The following SLC24A3 variants were observed in gnomAD, a reference collection of about 807,000 sequenced individuals.
SLC24A3 encodes the protein sodium/potassium/calcium exchanger 3.
SLC24A3 carries 28 observed loss-of-function variants against 75.8 expected under a neutral mutation model. The observed-to-expected ratio is 0.37, with a 90% CI of 0.27 to 0.51. The LOEUF is 0.51. Ranked by LOEUF, SLC24A3 falls within the 20% of genes least tolerant of loss-of-function variation. The pLI is 0.94. For synonymous variants in SLC24A3, 372 were observed against 334.1 expected, an observed-to-expected ratio of 1.11 and a Z score of -1.24; for missense variants, 663 against 847.8, an observed-to-expected ratio of 0.78 and a Z score of 2.71.
chr20:19,404,821 T>G (rs1986613849), intron 2 of SLC24A3, among the ~76,000 whole-genome samples: 1 of 152,192 alleles, frequency 6.6e-6, no homozygotes, highest in African/African-American at 2.4e-5. Flanking sequence ...AGGCTGGCTC[T>G]TTCCCTAATT....
intron 13 of SLC24A3, among the ~76,000 whole-genome samples, chr20:19,695,853 G>A (rs1252000210): frequency 1.3e-5 from 2 of 152,104 alleles, no homozygotes; most frequent in Non-Finnish European, 2.9e-5. Flanking sequence ...GTGAGAACAT[G>A]TGGAGTTTGA....
chr20:19,478,684 A>C (rs4814858), intron 2 of SLC24A3, among the ~76,000 whole-genome samples: 41,121 of 151,946 alleles, frequency 0.27, 5,854 homozygotes, highest in East Asian at 0.51. Context: ...CACACTCGAG[A>C]GCTTTTATGC....
At chr20:19,422,810 A>C (rs751009651) in intron 2 of SLC24A3, among the ~76,000 whole-genome samples, 1 of 152,214 alleles carries the variant, frequency 6.6e-6, no homozygotes, top group Admixed American at 6.5e-5. Context: ...TCACCTCTTT[A>C]CAAAACCCCA....
At chr20:19,412,613 AGAG>A (rs143215211) in intron 2 of SLC24A3, among the ~76,000 whole-genome samples, 2,504 of 148,718 alleles carry the variant, frequency 0.017, 64 homozygotes, top group African/African-American at 0.056. Context: ...AGGAGGAGCA[AGAG>A]GAGGAGGAGG....
At chr20:19,277,775 C>G (rs1983529765) in intron 1 of SLC24A3, among the ~76,000 whole-genome samples, 2 of 152,308 alleles carry the variant, frequency 1.3e-5, no homozygotes, top group South Asian at 4.1e-4. Flanking sequence ...ATTTTTACAT[C>G]TCTTAATTGG....
At chr20:19,233,551 G>A (rs1239479332) in intron 1 of SLC24A3, among the ~76,000 whole-genome samples, 3 of 152,206 alleles carry the variant, frequency 2.0e-5, no homozygotes, top group Non-Finnish European at 4.4e-5. Flanking sequence ...ATACTTGCCT[G>A]TGCATGCACT....
At chr20:19,315,628 A>T (rs1984568601) in intron 2 of SLC24A3, among the ~76,000 whole-genome samples, 1 of 152,168 alleles carries the variant, frequency 6.6e-6, no homozygotes, top group Non-Finnish European at 1.5e-5. Flanking sequence ...GGAAGCGTGC[A>T]CTGCTGTGCT....
At chr20:19,406,901 C>A (rs1433103335) in intron 2 of SLC24A3, among the ~76,000 whole-genome samples, 1 of 152,144 alleles carries the variant, frequency 6.6e-6, no homozygotes, top group African/African-American at 2.4e-5. Flanking sequence ...CAAGTGTAAT[C>A]CCTGGTGATG....
At chr20:19,675,901 G>A (rs1017616303) in intron 9 of SLC24A3, among the ~76,000 whole-genome samples, 1 of 152,150 alleles carries the variant, frequency 6.6e-6, no homozygotes, top group African/African-American at 2.4e-5. Context: ...CTGTCTGTGT[G>A]TGTACTCACA....
intron 6 of SLC24A3, among the ~76,000 whole-genome samples, chr20:19,589,790 T>C (rs1393583123): frequency 1.3e-5 from 2 of 151,578 alleles, no homozygotes; most frequent in African/African-American, 4.9e-5. Context: ...ACCCACTGAG[T>C]TTTAAGATAG....
chr20:19,461,753 G>A (rs556375540), intron 2 of SLC24A3, among the ~76,000 whole-genome samples: 19 of 151,932 alleles, frequency 1.3e-4, no homozygotes, highest in East Asian at 3.9e-4. Flanking sequence ...GGCTGGTCTC[G>A]AACTCCTGAC....
chr20:19,631,618 C>G (rs182432148), intron 6 of SLC24A3, among the ~76,000 whole-genome samples: 1 of 152,156 alleles, frequency 6.6e-6, no homozygotes, highest in Admixed American at 6.5e-5. Context: ...CTGCCACCGC[C>G]CAGCATCACG....
chr20:19,370,828 G>T (rs1022905700), intron 2 of SLC24A3, among the ~76,000 whole-genome samples: 17 of 152,246 alleles, frequency 1.1e-4, no homozygotes, highest in Non-Finnish European at 1.8e-4. Flanking sequence ...CAGTATTGTG[G>T]CTCTGGTTGC....
chr20:19,718,363 C>G (rs774829792), intron 16 of SLC24A3, among the ~76,000 whole-genome samples: 10 of 152,180 alleles, frequency 6.6e-5, no homozygotes, highest in Non-Finnish European at 1.3e-4. Context: ...CATTCATGCT[C>G]TTATGGTTTA....
intron 2 of SLC24A3, among the ~76,000 whole-genome samples, chr20:19,496,516 G>A (rs1988290167): frequency 6.6e-6 from 1 of 152,194 alleles, no homozygotes; most frequent in Non-Finnish European, 1.5e-5. Flanking sequence ...TTTATTGCAG[G>A]ATTCCTTTGG....
At chr20:19,299,056 A>G (rs111498359) in intron 2 of SLC24A3, among the ~76,000 whole-genome samples, 24 of 152,274 alleles carry the variant, frequency 1.6e-4, no homozygotes, top group African/African-American at 5.1e-4. Flanking sequence ...AGGGGAAAAA[A>G]GCCGGCACTG....
intron 2 of SLC24A3, among the ~76,000 whole-genome samples, chr20:19,452,495 C>T (rs1204268521): frequency 6.7e-6 from 1 of 149,566 alleles, no homozygotes; most frequent in Admixed American, 6.7e-5. Context: ...TGATGGGGTA[C>T]ACTGGGACCC....
intron 1 of SLC24A3, among the ~76,000 whole-genome samples, chr20:19,224,542 A>G (rs1480458669): frequency 6.6e-6 from 1 of 152,174 alleles, no homozygotes; most frequent in Non-Finnish European, 1.5e-5. Context: ...AATTTCTTTG[A>G]TAATGATTTT....
chr20:19,285,206 G>C (rs769701190), intron 2 of SLC24A3, among the ~76,000 whole-genome samples: 1 of 152,106 alleles, frequency 6.6e-6, no homozygotes, highest in Admixed American at 6.5e-5. Context: ...CACTGGGCGC[G>C]GTGACTCACG....
Sources: allele counts gnomAD v4.1 joint callset (sites outside exome capture counted in the v4.1 genomes callset), GRCh38; gene constraint gnomAD v4.1.1; transcripts MANE v1.5; gene names NCBI Gene and HGNC (gene_info 2026-07-23, HGNC 2026-07-21).